ANKRD29: variants seen among roughly 807,000 people sequenced by gnomAD.
ANKRD29 encodes the protein ankyrin repeat domain 29.
ANKRD29 carries 32 observed loss-of-function variants against 38.0 expected under a neutral mutation model. The ratio of observed to expected loss-of-function variants is 0.84; its 90% CI spans 0.64 to 1.13. The LOEUF is 1.13. ANKRD29 is among the 50% of genes most tolerant of loss of function. The pLI, the probability that ANKRD29 is intolerant of heterozygous loss-of-function variation, is 0.00. For synonymous variants in ANKRD29, 135 were observed against 152.4 expected, an observed-to-expected ratio of 0.89 and a Z score of 0.84; for missense variants, 357 against 377.9, an observed-to-expected ratio of 0.94 and a Z score of 0.46.
intron 5 of ANKRD29, among the ~76,000 whole-genome samples, chr18:23,633,729 C>T (rs1388490887): frequency 6.6e-6 from 1 of 152,062 alleles, no homozygotes; most frequent in East Asian, 1.9e-4. Flanking sequence ...CGCTACCATC[C>T]CCGGCTAAGT....
intron 8 of ANKRD29, among the ~76,000 whole-genome samples, chr18:23,614,285 C>G (rs904117901): frequency 6.6e-6 from 1 of 152,126 alleles, no homozygotes; most frequent in Non-Finnish European, 1.5e-5. Context: ...TGGTCTTGAA[C>G]TCCTAATCTC....
rs2060178389 is a variant in ANKRD29 at position 23,649,111 on chromosome 18, C to T, written c.104G>A (p.Gly35Asp). The T allele has an allele frequency of 1.2e-6, 2 of 1,614,086 alleles. No homozygotes were observed. Among genetic ancestry groups the T allele is most frequent in the Admixed American group, 1.7e-5 (1 of 60,010 alleles). Residue 35 changes from glycine (G) to aspartate (D), a missense_variant, in exon 2 of 10, where the codon GGC becomes GAC. By Grantham distance (94) the Gly-to-Asp change is moderately conservative. Transcript: ENST00000592179. The part of the protein sequence containing the change: ...LALLKLLLNS[G>D]RVDVDCRDSH... ...GTCTCTGCAGTCCACGTCCACCCGG[C>T]CGCTGTTCAACAGCAGCTTCAGCAG...
intron 9 of ANKRD29, 80 bp downstream of exon 9, chr18:23,612,012 C>T (rs2059648517): frequency 1.6e-6 from 2 of 1,286,312 alleles, no homozygotes; most frequent in South Asian, 2.6e-5. Context: ...GTGACTGGAG[C>T]CAGGGAGATG....
chr18:23,611,351 T>C (rs1464350820), intron 9 of ANKRD29, among the ~76,000 whole-genome samples: 1 of 152,078 alleles, frequency 6.6e-6, no homozygotes, highest in Admixed American at 6.6e-5. Context: ...TGCTCTCCCT[T>C]TCTTCCTCGC....
chr18:23,621,169 GAGA>G (rs2059792908), intron 6 of ANKRD29, among the ~76,000 whole-genome samples: 1 of 152,240 alleles, frequency 6.6e-6, no homozygotes, highest in Admixed American at 6.5e-5. Context: ...TATGCCCCAA[GAGA>G]CTGTTTTAGC....
intron 9 of ANKRD29, among the ~76,000 whole-genome samples, chr18:23,611,708 T>G (rs1345345311): frequency 6.6e-6 from 1 of 151,628 alleles, no homozygotes; most frequent in Admixed American, 6.6e-5. Flanking sequence ...AAACCATTGA[T>G]AGCGCCCTCA....
At chr18:23,612,423 A>G (rs1462229082) in intron 8 of ANKRD29, among the ~76,000 whole-genome samples, 3 of 152,258 alleles carry the variant, frequency 2.0e-5, no homozygotes, top group Non-Finnish European at 4.4e-5. Flanking sequence ...AATAAGGAAT[A>G]GGGCTGAGGG....
At chr18:23,639,529 A>ATTT (rs11310206) in intron 3 of ANKRD29, among the ~76,000 whole-genome samples, 9 of 120,344 alleles carry the variant, frequency 7.5e-5, no homozygotes, top group African/African-American at 1.8e-4. Flanking sequence ...TTTTACTGTG[A>ATTT]TTTTTTTTTT....
intron 5 of ANKRD29, among the ~76,000 whole-genome samples, chr18:23,632,081 G>A (rs1052122999): frequency 1.7e-4 from 26 of 152,330 alleles, no homozygotes; most frequent in Middle Eastern, 3.4e-3. Flanking sequence ...TTCAGTGGGC[G>A]TCAGCAGAGC....
In ANKRD29 at chr18:23,600,947, A is replaced by C; in HGVS notation, c.*279T>G. The C allele has an allele frequency of 3.6e-6, 1 of 275,946 alleles. No individual in the cohort carries two copies. The highest frequency in any genetic ancestry group is 7.3e-5 in the South Asian group (1 of 13,662). The allele number at this position is 275,946 out of a possible 1,614,324, so 17.1% of individuals were successfully genotyped here. ...GACAGGTCCAAGTTAGCATTGTTGA[A>C]AATGAGTTTCTGTGGAATCTGTGAA... is the stretch of plus-strand genomic sequence containing the variant. On this transcript the variant is annotated 3_prime_UTR_variant, in exon 10 of 10. Coordinates refer to ENST00000592179, the MANE Select transcript of ANKRD29 (RefSeq NM_173505.4).
At chr18:23,643,327 G>A (rs534662825) in intron 3 of ANKRD29, among the ~76,000 whole-genome samples, 4 of 152,310 alleles carry the variant, frequency 2.6e-5, no homozygotes, top group Middle Eastern at 3.4e-3. Flanking sequence ...TATTACAGTT[G>A]ATGATGCTGG....
At chr18:23,605,620 G>A (rs989536427) in intron 9 of ANKRD29, among the ~76,000 whole-genome samples, 1 of 151,888 alleles carries the variant, frequency 6.6e-6, no homozygotes, top group Non-Finnish European at 1.5e-5. Context: ...TCCGCCTCCC[G>A]GGTTCAAGCA....
chr18:23,656,742 T>G (rs2060289068), intron 1 of ANKRD29, among the ~76,000 whole-genome samples: 1 of 152,198 alleles, frequency 6.6e-6, no homozygotes, highest in Non-Finnish European at 1.5e-5. Flanking sequence ...AAAAGGTCTC[T>G]TTTATTATTG....
intron 2 of ANKRD29, 76 bp downstream of exon 2, chr18:23,649,007 A>G (rs771101367): frequency 8.6e-7 from 1 of 1,158,416 alleles, no homozygotes; most frequent in African/African-American, 1.5e-5. Context: ...GTAAAGGGGA[A>G]TGTATTCCTG....
intron 6 of ANKRD29, among the ~76,000 whole-genome samples, chr18:23,626,172 T>C (rs1288800252): frequency 6.6e-6 from 1 of 152,206 alleles, no homozygotes; most frequent in Non-Finnish European, 1.5e-5. Flanking sequence ...CCTCTAAGCT[T>C]CCGACCTGGG....
intron 3 of ANKRD29, among the ~76,000 whole-genome samples, chr18:23,640,973 C>T (rs72886271): frequency 0.024 from 3,596 of 152,070 alleles, 55 homozygotes; most frequent in Middle Eastern, 0.1. Context: ...TGAATATGTA[C>T]GTGTGTGCAT....
At chr18:23,633,713 G>A (rs2059962995) in intron 5 of ANKRD29, among the ~76,000 whole-genome samples, 1 of 152,050 alleles carries the variant, frequency 6.6e-6, no homozygotes, top group African/African-American at 2.4e-5. Context: ...TGGGATTACA[G>A]GCACCCGCTA....
chr18:23,630,374 TGAG>T (rs1198495004), intron 5 of ANKRD29, among the ~76,000 whole-genome samples: 3 of 152,226 alleles, frequency 2.0e-5, no homozygotes, highest in African/African-American at 7.2e-5. Flanking sequence ...TGCAGTGAGC[TGAG>T]ATCGCGCCAC....
At chr18:23,641,334 A>T (rs938304426) in intron 3 of ANKRD29, among the ~76,000 whole-genome samples, 20 of 152,154 alleles carry the variant, frequency 1.3e-4, no homozygotes, top group African/African-American at 4.6e-4. Flanking sequence ...GGAAGCCCCC[A>T]TTACCCCCAC....
Sources: gnomAD v4.1 joint callset for allele counts (sites outside exome capture counted in the v4.1 genomes callset) on GRCh38, gnomAD v4.1.1 for gene constraint, MANE v1.5 for transcripts, NCBI Gene and HGNC (gene_info 2026-07-23, HGNC 2026-07-21) for gene names.